SSBP2: variants seen among roughly 807,000 people sequenced by gnomAD.
SSBP2 encodes the protein single stranded DNA binding protein 2.
Under a neutral mutation model 61.8 loss-of-function variants are expected in SSBP2, and 17 were observed. The observed-to-expected ratio is 0.28, with a 90% CI of 0.19 to 0.41. SSBP2 has a LOEUF of 0.41. Among genes scored for constraint, SSBP2 ranks in the 10% least tolerant of loss-of-function variants. The pLI is 1.00. For missense variants in SSBP2, 310 were observed against 458.7 expected (o/e 0.68, Z 2.96); for synonymous variants, 139 against 141.3 (o/e 0.98, Z 0.12).
At chr5:81,658,290 A>T (rs1387331529) in intron 1 of SSBP2, among the ~76,000 whole-genome samples, 1 of 152,130 alleles carries the variant, frequency 6.6e-6, no homozygotes, top group Non-Finnish European at 1.5e-5. Context: ...GATTCCATAC[A>T]ACTGAGCCTC....
chr5:81,476,471 G>A (rs565910303), intron 6 of SSBP2, among the ~76,000 whole-genome samples: 17 of 152,156 alleles, frequency 1.1e-4, no homozygotes, highest in Admixed American at 2.0e-4. Flanking sequence ...AAAGAGAACA[G>A]GTCTTAAATT....
At chr5:81,596,316 C>T (rs1369334850) in intron 4 of SSBP2, among the ~76,000 whole-genome samples, 2 of 145,790 alleles carry the variant, frequency 1.4e-5, no homozygotes, top group African/African-American at 5.2e-5. Context: ...GAACTACAAA[C>T]CACTGCTCAA....
At chr5:81,491,700 G>GT (rs1311966089) in intron 5 of SSBP2, among the ~76,000 whole-genome samples, 4 of 151,760 alleles carry the variant, frequency 2.6e-5, no homozygotes, top group Non-Finnish European at 4.4e-5. Context: ...AAATTTGTAT[G>GT]TTTTTTTGGA....
At chr5:81,508,512 A>G (rs1055482410) in intron 5 of SSBP2, among the ~76,000 whole-genome samples, 3 of 152,194 alleles carry the variant, frequency 2.0e-5, no homozygotes, top group African/African-American at 7.2e-5. Context: ...TCTCATTTCA[A>G]TAAAAACATC....
At chr5:81,529,007 T>C (rs1253301936) in intron 4 of SSBP2, among the ~76,000 whole-genome samples, 1 of 152,080 alleles carries the variant, frequency 6.6e-6, no homozygotes, top group Non-Finnish European at 1.5e-5. Flanking sequence ...TATAAAACCC[T>C]GTATTCACAA....
At chr5:81,706,031 A>G (rs1754360987) in intron 1 of SSBP2, among the ~76,000 whole-genome samples, 1 of 152,204 alleles carries the variant, frequency 6.6e-6, no homozygotes, top group African/African-American at 2.4e-5. Context: ...TCTACCAAAA[A>G]TACACCTGCA....
chr5:81,491,285 T>C (rs1043878350), intron 5 of SSBP2, among the ~76,000 whole-genome samples: 3 of 152,232 alleles, frequency 2.0e-5, no homozygotes, highest in African/African-American at 7.2e-5. Flanking sequence ...TTTTTGTCTG[T>C]AATACAACCA....
chr5:81,750,797 CCGCACCTCCCGGGAAAG>C (rs1210000621), intron 1 of SSBP2, 167 bp downstream of exon 1: 5 of 667,356 alleles, frequency 7.5e-6, no homozygotes, highest in Admixed American at 3.0e-5. Context: ...CGCCCAGCGC[CCGCACCTCCCGGGAAAG>C]CGCAGCTCCC....
chr5:81,505,212 T>A (rs1768089092), intron 5 of SSBP2, among the ~76,000 whole-genome samples: 2 of 150,856 alleles, frequency 1.3e-5, no homozygotes, highest in Non-Finnish European at 3.0e-5. Flanking sequence ...ACATAATGTC[T>A]ATGGTTGCTT....
chr5:81,633,440 T>C (rs1016883489), intron 3 of SSBP2, among the ~76,000 whole-genome samples: 2 of 152,144 alleles, frequency 1.3e-5, no homozygotes, highest in African/African-American at 4.8e-5. Flanking sequence ...TTACAGCCTC[T>C]TCTTCCTCCT....
At chr5:81,710,557 G>A (rs1169852652) in intron 1 of SSBP2, 2 of 363,212 alleles carry the variant, frequency 5.5e-6, no homozygotes, top group Non-Finnish European at 1.1e-5. Context: ...ATAATATGAG[G>A]GGCTGATAGG....
At chr5:81,589,846 TGGGTGAGAGAGCAAGA>T (rs1304485100) in intron 4 of SSBP2, among the ~76,000 whole-genome samples, 1 of 152,126 alleles carries the variant, frequency 6.6e-6, no homozygotes, top group East Asian at 1.9e-4. Flanking sequence ...CACCATCATA[TGGGTGAGAGAGCAAGA>T]GGGTGAGAGA....
chr5:81,580,996 C>T (rs1218393854), intron 4 of SSBP2, among the ~76,000 whole-genome samples: 1 of 152,128 alleles, frequency 6.6e-6, no homozygotes, highest in Non-Finnish European at 1.5e-5. Context: ...ACAAAATATT[C>T]TGCTTTTCTA....
At chr5:81,529,397 T>C (rs750972012) in intron 4 of SSBP2, among the ~76,000 whole-genome samples, 1 of 152,176 alleles carries the variant, frequency 6.6e-6, no homozygotes, top group Non-Finnish European at 1.5e-5. Flanking sequence ...AACTTGCATA[T>C]TTATGCCTAA....
Position 81,601,662 on chromosome 5 carries a change from C to T in SSBP2, c.282+13811G>A, listed in dbSNP as rs1744373806. 2.0e-5 allele frequency among the ~76,000 whole-genome samples: 3 copies of T among 152,114 alleles called. No individual in the cohort carries two copies. In the South Asian group the frequency reaches 6.2e-4, roughly 32 times the overall value. On this transcript the variant is annotated intron_variant, in intron 4 of 16. Transcript: ENST00000320672. Reference sequence around the variant, plus strand: ...AAACATGTCAATCCGGCAGAATTTGCTCTGTGACCACAATAATTCACAACC... The same window carrying T: ...AAACATGTCAATCCGGCAGAATTTGTTCTGTGACCACAATAATTCACAACC...
chr5:81,507,868 C>T (rs954903249), intron 5 of SSBP2, among the ~76,000 whole-genome samples: 4 of 152,002 alleles, frequency 2.6e-5, no homozygotes, highest in African/African-American at 9.7e-5. Flanking sequence ...ATTTTTTAAA[C>T]AAAAGAATTA....
At chr5:81,577,108 T>C (rs960465779) in intron 4 of SSBP2, among the ~76,000 whole-genome samples, 11 of 152,080 alleles carry the variant, frequency 7.2e-5, no homozygotes, top group Non-Finnish European at 1.6e-4. Context: ...TACATGTATT[T>C]TTATATGTTT....
intron 1 of SSBP2, among the ~76,000 whole-genome samples, chr5:81,740,463 T>C (rs933815432): frequency 6.6e-6 from 1 of 152,036 alleles, no homozygotes; most frequent in Non-Finnish European, 1.5e-5. Context: ...ACAAAGAAAT[T>C]ATTTCTATTT....
intron 6 of SSBP2, among the ~76,000 whole-genome samples, chr5:81,488,065 A>ATATATTATATGTGGTGTGTGTGTGT (rs1459885301): frequency 2.1e-5 from 2 of 97,314 alleles, no homozygotes; most frequent in African/African-American, 3.0e-5. Flanking sequence ...ATATAAATAA[A>ATATATTATATGTGGTGTGTGTGTGT]ATATCATATA....
Sources: gnomAD v4.1 joint callset for allele counts (sites outside exome capture counted in the v4.1 genomes callset) on GRCh38, gnomAD v4.1.1 for gene constraint, MANE v1.5 for transcripts, NCBI Gene and HGNC (gene_info 2026-07-23, HGNC 2026-07-21) for gene names.